The following PTGFRN variants were observed in gnomAD, a reference collection of about 807,000 sequenced individuals.
PTGFRN encodes prostaglandin F2 receptor negative regulator.
A neutral mutation model predicts 83.2 loss-of-function variants in PTGFRN; 35 were observed. That is an observed-to-expected ratio of 0.42 (90% confidence interval 0.32 to 0.56). The LOEUF (loss-of-function observed/expected upper bound fraction) is 0.56, where lower values mean the gene tolerates loss of function less well. PTGFRN is among the 20% of genes least tolerant of loss of function. PTGFRN has a pLI of 0.11. For missense variants in PTGFRN, 1,051 were observed against 1,179.5 expected (o/e 0.89, Z 1.60); for synonymous variants, 519 against 498.6 (o/e 1.04, Z -0.55).
intron 1 of PTGFRN, among the ~76,000 whole-genome samples, chr1:116,933,087 G>A (rs778493595): frequency 3.9e-5 from 6 of 152,126 alleles, no homozygotes; most frequent in Non-Finnish European, 5.9e-5. Context: ...CCTCTTACTC[G>A]ATTCTAATAT....
At chr1:116,960,327 A>G (rs771863896) in intron 4 of PTGFRN, among the ~76,000 whole-genome samples, 38 of 152,228 alleles carry the variant, frequency 2.5e-4, no homozygotes, top group Admixed American at 1.3e-4. Flanking sequence ...GGAAGCCACA[A>G]GAGGATTCCA....
At chr1:116,953,998 C>T (rs949401695) in intron 4 of PTGFRN, among the ~76,000 whole-genome samples, 10 of 151,674 alleles carry the variant, frequency 6.6e-5, no homozygotes, top group Middle Eastern at 3.2e-3. Context: ...GACTACAGGG[C>T]GCCTGCCACC....
Position 116,987,153 on chromosome 1 carries a change from C to A in PTGFRN, c.*186C>A. 1 of 605,846 alleles carries A rather than the reference C, an allele frequency of 1.7e-6. No individual in the cohort carries two copies. The highest frequency in any genetic ancestry group is 2.8e-6 in the Non-Finnish European group (1 of 354,396). The allele number at this position is 605,846 out of a possible 1,614,324, so 37.5% of individuals were successfully genotyped here. A position where few individuals can be genotyped will look rare whatever the true frequency, so the allele number is the denominator to read the frequency against. ...CGCGGACATGTTTACCAGCACACGGCTCTTCTTCCCACGGCACTTTCTGAT... is the reference window on the plus strand; with the variant it reads ...CGCGGACATGTTTACCAGCACACGGATCTTCTTCCCACGGCACTTTCTGAT... On this transcript the variant is annotated 3_prime_UTR_variant, in exon 9 of 9. Coordinates refer to ENST00000393203, the MANE Select transcript of PTGFRN (RefSeq NM_020440.4).
chr1:116,966,903 C>G lies in PTGFRN; in HGVS notation c.1640-8C>G, dbSNP rs754077172. 21 of 1,582,822 alleles carry G rather than the reference C, an allele frequency of 1.3e-5. No homozygotes were observed. The Admixed American group carries it at 3.5e-4, about 26-fold the overall frequency. The stretch of plus-strand genomic sequence containing the variant: ...TGGAAATCACATCCTTCTGGTCATT[C>G]ATTCCAGATTCCGTGCTTGTGGTGA... On this transcript the variant is annotated splice_polypyrimidine_tract_variant and splice_region_variant and intron_variant, in intron 5 of 8. Transcript: ENST00000393203.
chr1:116,940,197 T>C (rs1650025215), intron 1 of PTGFRN, among the ~76,000 whole-genome samples: 1 of 152,218 alleles, frequency 6.6e-6, no homozygotes, highest in African/African-American at 2.4e-5. Flanking sequence ...TGCCTCACAA[T>C]GCCAGAGGCC....
At chr1:116,957,687 T>C (rs1160684774) in intron 4 of PTGFRN, among the ~76,000 whole-genome samples, 1 of 152,182 alleles carries the variant, frequency 6.6e-6, no homozygotes, top group South Asian at 2.1e-4. Context: ...TTATTAACTA[T>C]AGTCACAATG....
Position 116,944,796 on chromosome 1 carries a change from C to G in PTGFRN, c.536C>G (p.Thr179Arg). 6.4e-7 allele frequency: 1 copy of G among 1,566,352 alleles called. No individual in the cohort carries two copies. The highest frequency in any genetic ancestry group is 1.9e-4 in the Middle Eastern group (1 of 5,146). Residue 179 changes from threonine to arginine, a missense_variant, in exon 3 of 9, where the codon ACG (threonine) becomes AGG (arginine). Transcript: ENST00000393203. ...CTAASASPLH[T>R]HLALLWEVHR... ...GCCGCCTCCGCCTCGCCGCTGCACA[C>G]GCACCTGGCGCTGCTGTGGGAGGTG...
chr1:116,985,021 A>G (rs914497792), intron 8 of PTGFRN, 36 bp downstream of exon 8: 1 of 1,569,300 alleles, frequency 6.4e-7, no homozygotes, highest in Admixed American at 1.7e-5. Context: ...GTGTTTGGGA[A>G]TGTCTTCTTC....
chr1:116,970,110 A>T (rs1369707161), intron 6 of PTGFRN, among the ~76,000 whole-genome samples: 1 of 152,204 alleles, frequency 6.6e-6, no homozygotes, highest in Non-Finnish European at 1.5e-5. Context: ...GTAATTGCCC[A>T]GCCAGAACCT....
At chr1:116,953,171 G>T (rs1365690708) in intron 4 of PTGFRN, among the ~76,000 whole-genome samples, 1 of 152,204 alleles carries the variant, frequency 6.6e-6, no homozygotes, top group African/African-American at 2.4e-5. Context: ...CTGCTGTTCA[G>T]TCTTAAGAAC....
chr1:116,938,836 A>G (rs1649984861), intron 1 of PTGFRN, among the ~76,000 whole-genome samples: 1 of 152,240 alleles, frequency 6.6e-6, no homozygotes, highest in Non-Finnish European at 1.5e-5. Flanking sequence ...CCTAGATACA[A>G]TGTGGGTACA....
chr1:116,936,207 G>C (rs1383973735), intron 1 of PTGFRN, among the ~76,000 whole-genome samples: 1 of 150,830 alleles, frequency 6.6e-6, no homozygotes, highest in African/African-American at 2.4e-5. Context: ...TTTTTTCCAA[G>C]TTATATTTAT....
At position 116,945,090 on chromosome 1, in the gene PTGFRN, C is replaced by G; in HGVS notation, c.830C>G (p.Ser277Ter). 6.2e-7 allele frequency: 1 copy of G among 1,609,204 alleles called. No individual in the cohort carries two copies. Among genetic ancestry groups the G allele is most frequent in the Non-Finnish European group, 8.5e-7 (1 of 1,177,330 alleles). ...GTTGCCACCGTGGTGATCCAGCCAT[C>G]AGGTGAGCTGGAAACGATGCGTTAT... ...VEVATVVIQP[S>*]VLRAAVPKNV... The change falls in exon 3 of 9, where the codon TCA becomes TGA. Residue 277 changes from serine to a stop codon, truncating the protein, a stop_gained and splice_region_variant. Coordinates refer to ENST00000393203, the MANE Select transcript of PTGFRN (RefSeq NM_020440.4). LOFTEE classifies it high-confidence loss of function.
At chr1:116,982,398 T>G (rs1651344711) in intron 7 of PTGFRN, among the ~76,000 whole-genome samples, 1 of 152,156 alleles carries the variant, frequency 6.6e-6, no homozygotes, top group Non-Finnish European at 1.5e-5. Context: ...AGTTGTAATT[T>G]AGTTTTTCCT....
intron 1 of PTGFRN, among the ~76,000 whole-genome samples, chr1:116,915,355 C>T (rs933107809): frequency 2.0e-5 from 3 of 152,116 alleles, no homozygotes; most frequent in Non-Finnish European, 4.4e-5. Flanking sequence ...GAGGACGGGC[C>T]GAAATGCAAC....
intron 1 of PTGFRN, among the ~76,000 whole-genome samples, chr1:116,911,648 T>A (rs1404970401): frequency 2.0e-5 from 3 of 152,354 alleles, no homozygotes; most frequent in South Asian, 2.1e-4. Flanking sequence ...CCTAGTGCTT[T>A]ATTTTTATTT....
At chr1:116,976,978 C>T (rs940376928) in intron 7 of PTGFRN, among the ~76,000 whole-genome samples, 2 of 152,134 alleles carry the variant, frequency 1.3e-5, no homozygotes, top group Non-Finnish European at 2.9e-5. Context: ...TCAGGAGACC[C>T]ATCTCGCGTG....
chr1:116,931,131 T>TA (rs1327919402), intron 1 of PTGFRN, among the ~76,000 whole-genome samples: 10 of 152,228 alleles, frequency 6.6e-5, no homozygotes, highest in African/African-American at 9.6e-5. Context: ...TGAGCACTGA[T>TA]ACGTTGCTCA....
At chr1:116,939,434 C>T (rs1650008773) in intron 1 of PTGFRN, among the ~76,000 whole-genome samples, 1 of 152,260 alleles carries the variant, frequency 6.6e-6, no homozygotes, top group South Asian at 2.1e-4. Context: ...CTTGCACCCT[C>T]TGAAGCTATG....
Sources: gnomAD v4.1 joint callset for allele counts (sites outside exome capture counted in the v4.1 genomes callset) on GRCh38, gnomAD v4.1.1 for gene constraint, MANE v1.5 for transcripts, NCBI Gene and HGNC (gene_info 2026-07-23, HGNC 2026-07-21) for gene names.